POU2F2: variants seen among roughly 807,000 people sequenced by gnomAD.
POU2F2 encodes the protein POU class 2 homeobox 2, also known as POU domain, class 2, transcription factor 2.
POU2F2 carries 14 observed loss-of-function variants against 63.5 expected under a neutral mutation model. The observed-to-expected ratio is 0.22, with a 90% CI of 0.15 to 0.34. The LOEUF is 0.34. Among genes scored for constraint, POU2F2 ranks in the 10% least tolerant of loss-of-function variants. The probability of loss-of-function intolerance (pLI) is 1.00; values close to 1 mark genes in which losing one functional copy is unlikely to be tolerated. For synonymous variants in POU2F2, 306 were observed against 348.6 expected (o/e 0.88, Z 1.36); for missense variants, 607 against 815.2 (o/e 0.74, Z 3.11).
In POU2F2 at chr19:42,089,584, G is replaced by C. The variant is rs2076649741; in HGVS notation, c.*1673C>G. On this transcript the variant is annotated 3_prime_UTR_variant, in exon 15 of 15. Transcript: ENST00000692977. ...AAGACAACGTCCATGAGGTATTTGTGAAGAGAAAGAAGCATCCGTCCTTCC... is the reference window on the plus strand; with the variant it reads ...AAGACAACGTCCATGAGGTATTTGTCAAGAGAAAGAAGCATCCGTCCTTCC... 6.6e-6 allele frequency: 1 copy of C among 152,254 alleles called. No individual in the cohort carries two copies. The highest frequency in any genetic ancestry group is 2.1e-4 in the South Asian group (1 of 4,814). The allele number at this position is 152,254 out of a possible 1,614,324, so 9.4% of individuals were successfully genotyped here.
In POU2F2 at chr19:42,142,429, A is replaced by C. The variant is rs556832622; in HGVS notation, c.-9+17903T>G. On this transcript the variant is annotated intron_variant, in intron 2 of 6. Transcript: ENST00000524801. Reference sequence around the variant, plus strand: ...ATAGTCTTAATCTCCTGACCTTGTGATCCTCCTGCCTGGGCCTCCCAAAGT... The same window carrying C: ...ATAGTCTTAATCTCCTGACCTTGTGCTCCTCCTGCCTGGGCCTCCCAAAGT... 2.6e-5 allele frequency among the ~76,000 whole-genome samples: 4 copies of C among 151,998 alleles called. No homozygotes were observed. In the South Asian group the frequency reaches 8.3e-4, roughly 32 times the overall value.
intron 1 of POU2F2, among the ~76,000 whole-genome samples, chr19:42,172,072 T>C (rs2034781368): frequency 6.6e-6 from 1 of 152,214 alleles, no homozygotes; most frequent in Non-Finnish European, 1.5e-5. Context: ...TGCCAACCTC[T>C]ACTCTTAGAC....
chr19:42,119,955 G>A (rs112617024), intron 4 of POU2F2, among the ~76,000 whole-genome samples: 24 of 151,780 alleles, frequency 1.6e-4, no homozygotes, highest in African/African-American at 5.8e-4. Flanking sequence ...GTCTTGCTCT[G>A]TCACCCAAGC....
At chr19:42,146,267 T>C (rs1460238961) in intron 2 of POU2F2, among the ~76,000 whole-genome samples, 1 of 152,116 alleles carries the variant, frequency 6.6e-6, no homozygotes, top group East Asian at 1.9e-4. Context: ...GAAACCGGAC[T>C]CCAAAGTCCA....
At chr19:42,139,148 A>G (rs2034077649) in intron 2 of POU2F2, among the ~76,000 whole-genome samples, 3 of 151,994 alleles carry the variant, frequency 2.0e-5, no homozygotes, top group Admixed American at 6.5e-5. Context: ...ATAAAACCCC[A>G]TCTCTACTGA....
upstream of POU2F2, among the ~76,000 whole-genome samples, chr19:42,180,884 A>G (rs1292506428): frequency 6.9e-6 from 1 of 144,952 alleles, no homozygotes; most frequent in African/African-American, 2.6e-5. Flanking sequence ...ATGCACCACC[A>G]CACCCATCTA....
At chr19:42,130,354 A>G (rs1408391277) in intron 1 of POU2F2, among the ~76,000 whole-genome samples, 1 of 152,160 alleles carries the variant, frequency 6.6e-6, no homozygotes, top group African/African-American at 2.4e-5. Flanking sequence ...TTATCCTGGA[A>G]GATGGCCAGG....
At chr19:42,180,788 G>A (rs1440355210), upstream of POU2F2, among the ~76,000 whole-genome samples, 2 of 152,148 alleles carry the variant, frequency 1.3e-5, no homozygotes, top group East Asian at 1.9e-4. Flanking sequence ...GTGCCGCAGC[G>A]TGATCATGGC....
intron 7 of POU2F2, 50 bp downstream of exon 7, chr19:42,099,477 A>G (rs1238301629): frequency 1.3e-6 from 2 of 1,500,894 alleles, no homozygotes; most frequent in South Asian, 1.1e-5. Context: ...CCCAGCTTTC[A>G]GCAGGCCTTG....
chr19:42,117,518 C>T lies in POU2F2; in HGVS notation c.187-86G>A. On this transcript the variant is annotated intron_variant, in intron 4 of 14. Coordinates refer to ENST00000692977, the MANE Select transcript of POU2F2 (RefSeq NM_001394376.1). The surrounding 1 kb of genome is among the most constrained non-coding windows in gnomAD (Gnocchi z 4.4). ...AGACTGGGGTGTGGACATGAGGGTGCAGTCTGTGGTCCTGCACTGACCGCT... is the reference window on the plus strand; with the variant it reads ...AGACTGGGGTGTGGACATGAGGGTGTAGTCTGTGGTCCTGCACTGACCGCT... 1 of 661,430 alleles carries T rather than the reference C, an allele frequency of 1.5e-6. No individual in the cohort carries two copies. The highest frequency in any genetic ancestry group is 2.6e-6 in the Non-Finnish European group (1 of 381,436). The allele number at this position is 661,430 out of a possible 1,614,324, so 41.0% of individuals were successfully genotyped here. A position where few individuals can be genotyped will look rare whatever the true frequency, so the allele number is the denominator to read the frequency against.
In POU2F2 at chr19:42,156,040, C is replaced by G. The variant is rs971984448; in HGVS notation, c.-9+4292G>C. ...AAGCGCAGCTGAAAACACCCAGGGC[C>G]GTTCTCTGAGGCCTTCTCTCTGCCT... On this transcript the variant is annotated intron_variant, in intron 2 of 6. Coordinates refer to the POU2F2 transcript ENST00000524801. This position sits in a 1 kb window ranked among gnomAD's most constrained non-coding sequence, Gnocchi z 4.1. 2.0e-5 allele frequency: 3 copies of G among 152,164 alleles called. No individual in the cohort carries two copies. Among genetic ancestry groups the G allele is most frequent in the African/African-American group, 7.2e-5 (3 of 41,388 alleles). 9.4% of individuals were successfully genotyped at this position (152,164 alleles called of 1,614,324 possible).
Position 42,095,143 on chromosome 19 carries a change from G to T in POU2F2, c.1197+143C>A. The T allele has an allele frequency of 9.4e-7, 1 of 1,067,100 alleles. No individual in the cohort carries two copies. The highest frequency in any genetic ancestry group is 1.3e-6 in the Non-Finnish European group (1 of 763,004). The allele number at this position is 1,067,100 out of a possible 1,614,324, so 66.1% of individuals were successfully genotyped here. A position where few individuals can be genotyped will look rare whatever the true frequency, so the allele number is the denominator to read the frequency against. On this transcript the variant is annotated intron_variant, in intron 11 of 14. Transcript: ENST00000692977. This position sits in a 1 kb window ranked among gnomAD's most constrained non-coding sequence, Gnocchi z 7.1. ...CTGGAAACCGTCCCTGTGTAACTGT[G>T]CCCATCTACGTGATGGCCTGTCTCC...
At chr19:42,185,127 A>G (rs1017376307) in intron 1 of POU2F2, among the ~76,000 whole-genome samples, 1 of 152,168 alleles carries the variant, frequency 6.6e-6, no homozygotes, top group Non-Finnish European at 1.5e-5. Flanking sequence ...TAATATTAAA[A>G]TTTTAAACCA....
rs576726258 is a variant in POU2F2 at position 42,092,209 on chromosome 19, C to T, written c.1326G>A (p.Gly442=). ...LHPSRTAGGG[G]GGGGAAPPLN... is the part of the protein sequence containing the mutation. ...GGGGGGGCGCAGCCCCGCCCCCGCC[C>T]CCACCCCCTCCAGCTGTCCGGCTGG... The change falls in exon 13 of 15, where the codon GGG becomes GGA. Residue 442 remains glycine (G), a synonymous_variant. Coordinates refer to ENST00000692977, the MANE Select transcript of POU2F2 (RefSeq NM_001394376.1). The surrounding 1 kb of genome is among the most constrained non-coding windows in gnomAD (Gnocchi z 5.0). 14 of 1,564,160 alleles carry T rather than the reference C, an allele frequency of 9.0e-6. No individual in the cohort carries two copies. The East Asian group carries it at 2.8e-4, about 31-fold the overall frequency.
intron 1 of POU2F2, among the ~76,000 whole-genome samples, chr19:42,192,029 G>A (rs1268869522): frequency 1.3e-5 from 2 of 152,200 alleles, no homozygotes; most frequent in East Asian, 1.9e-4. Flanking sequence ...TGTGGTATAA[G>A]TGCTCTGTAA....
chr19:42,162,626 C>G lies in POU2F2; in HGVS notation c.-69-2234G>C, dbSNP rs1375418684. ...GCAAGCTCAGGGTTTGGTCCTGGCCCCTCAAGTCTCCTCACAGCCAGTGTA... is the reference window on the plus strand; with the variant it reads ...GCAAGCTCAGGGTTTGGTCCTGGCCGCTCAAGTCTCCTCACAGCCAGTGTA... On this transcript the variant is annotated intron_variant, in intron 1 of 6. Transcript: ENST00000524801. The surrounding 1 kb of genome is among the most constrained non-coding windows in gnomAD (Gnocchi z 4.1). 6.6e-6 allele frequency among the ~76,000 whole-genome samples: 1 copy of G among 152,148 alleles called. No individual in the cohort carries two copies. The highest frequency in any genetic ancestry group is 1.5e-5 in the Non-Finnish European group (1 of 68,018).
chr19:42,176,428 G>C (rs1209502896), upstream of POU2F2, among the ~76,000 whole-genome samples: 2 of 152,076 alleles, frequency 1.3e-5, no homozygotes, highest in East Asian at 1.9e-4. Context: ...CGGCCGTCAG[G>C]CTCTTTCTCT....
chr19:42,093,931 G>C, intron 11 of POU2F2, 36 bp from the exon 12 acceptor site: 1 of 1,576,170 alleles, frequency 6.3e-7, no homozygotes, highest in East Asian at 2.3e-5. Context: ...GTTAGCCACT[G>C]TCTGCCAGCA....
At chr19:42,176,799 C>T (rs942714032), upstream of POU2F2, among the ~76,000 whole-genome samples, 2 of 151,636 alleles carry the variant, frequency 1.3e-5, no homozygotes, top group Non-Finnish European at 2.9e-5. Flanking sequence ...GCGAGAGGGC[C>T]GGGGCCGCGG....
Sources: gnomAD v4.1 joint callset for allele counts (sites outside exome capture counted in the v4.1 genomes callset) on GRCh38, gnomAD v4.1.1 for gene constraint, Gnocchi (gnomAD v3.1) non-coding constraint, MANE v1.5 for transcripts, NCBI Gene and HGNC (gene_info 2026-07-23, HGNC 2026-07-21) for gene names.